Variants in TMEM114 observed in about 807,000 individuals in gnomAD.
TMEM114 encodes the protein transmembrane protein 114, also known as claudin-26.
TMEM114 carries 6 observed loss-of-function variants against 6.2 expected under a neutral mutation model. The observed-to-expected ratio is 0.97, with a 90% CI of 0.53 to 1.91. The LOEUF (loss-of-function observed/expected upper bound fraction) is 1.91. Ranked by LOEUF, TMEM114 falls within the 40% of genes most tolerant of loss-of-function variation. The pLI, the probability that TMEM114 is intolerant of heterozygous loss-of-function variation, is 0.01. For missense variants in TMEM114, 218 were observed against 158.3 expected (o/e 1.38, Z -2.02); for synonymous variants, 104 against 73.0 (o/e 1.42, Z -2.16).
downstream of TMEM114, among the ~76,000 whole-genome samples, chr16:8,566,426 G>C (rs1016921171): frequency 6.7e-6 from 1 of 150,322 alleles, no homozygotes; most frequent in African/African-American, 2.4e-5. Flanking sequence ...TAGAATGATG[G>C]ATCAGAATAG....
At chr16:8,541,876 T>A (rs1329347298) in intron 2 of TMEM114, among the ~76,000 whole-genome samples, 1 of 151,998 alleles carries the variant, frequency 6.6e-6, no homozygotes, top group African/African-American at 2.4e-5. Flanking sequence ...ATCAAAGGGG[T>A]CTGGCTTACA....
At chr16:8,561,921 T>G (rs896176132) in intron 2 of TMEM114, among the ~76,000 whole-genome samples, 1 of 115,436 alleles carries the variant, frequency 8.7e-6, no homozygotes, top group Admixed American at 8.6e-5. Context: ...AATGAGTAAG[T>G]GAATGAGTGA....
intron 2 of TMEM114, among the ~76,000 whole-genome samples, chr16:8,586,864 T>A (rs950839266): frequency 1.3e-5 from 2 of 152,192 alleles, no homozygotes; most frequent in African/African-American, 4.8e-5. Flanking sequence ...TTTCCCCTTG[T>A]GCAGTTTGGG....
chr16:8,576,277 A>T (rs1901925900), intron 2 of TMEM114, among the ~76,000 whole-genome samples: 1 of 152,156 alleles, frequency 6.6e-6, no homozygotes, highest in Admixed American at 6.5e-5. Context: ...CCACTTCCTG[A>T]TATTACCCAG....
At chr16:8,550,676 CA>C in intron 2 of TMEM114, among the ~76,000 whole-genome samples, 1 of 114,438 alleles carries the variant, frequency 8.7e-6, no homozygotes, top group African/African-American at 3.1e-5. Flanking sequence ...AAAACTTCGT[CA>C]AAAAAAACAA....
chr16:8,569,822 G>T lies in TMEM114; in HGVS notation c.623C>A (p.Ala208Glu). The T allele has an allele frequency of 6.4e-7, 1 of 1,550,986 alleles. No individual in the cohort carries two copies. Among genetic ancestry groups the T allele is most frequent in the Non-Finnish European group, 8.7e-7 (1 of 1,146,952 alleles). The change falls in exon 4 of 4, where the codon GCA becomes GAA. Residue 208 changes from alanine to glutamate, a missense_variant. Physicochemically the swap from Ala to Glu is moderately radical, Grantham distance 107. Transcript: ENST00000620492. ...TCTCAGGCTGAGCTCGCGGGCTGCT[G>T]CCAGGAAGGCTGCCCCGGTGAGCAG... ...AELLTGAAFL[A>E]AARELSLRRR...
chr16:8,584,577 G>A (rs1308019092), intron 2 of TMEM114, among the ~76,000 whole-genome samples: 1 of 152,130 alleles, frequency 6.6e-6, no homozygotes, highest in African/African-American at 2.4e-5. Context: ...ACTCTCCCAA[G>A]GTAGCTAAGC....
At chr16:8,565,645 C>A (rs967318503), downstream of TMEM114, among the ~76,000 whole-genome samples, 1 of 152,194 alleles carries the variant, frequency 6.6e-6, no homozygotes, top group Non-Finnish European at 1.5e-5. Context: ...CTCATCTGGC[C>A]CTGGGAGGCC....
intron 2 of TMEM114, among the ~76,000 whole-genome samples, chr16:8,579,454 T>TTATA (rs562171900): frequency 4.0e-5 from 6 of 150,462 alleles, no homozygotes; most frequent in South Asian, 2.1e-4. Flanking sequence ...TTTTAAAATT[T>TTATA]TATATATATA....
the TMEM114 span, among the ~76,000 whole-genome samples, chr16:8,529,335 T>C: frequency 6.6e-6 from 1 of 152,338 alleles, no homozygotes; most frequent in East Asian, 1.9e-4. Context: ...CTGAGACCGT[T>C]GGCCTAGAGT....
intron 2 of TMEM114, among the ~76,000 whole-genome samples, chr16:8,554,420 T>C (rs1037014697): frequency 6.6e-6 from 1 of 151,996 alleles, no homozygotes; most frequent in Non-Finnish European, 1.5e-5. Context: ...ATAATAATAA[T>C]AAAAATGAGG....
chr16:8,549,146 C>T (rs999474346), intron 2 of TMEM114, among the ~76,000 whole-genome samples: 4 of 135,234 alleles, frequency 3.0e-5, no homozygotes, highest in Admixed American at 2.6e-4. Flanking sequence ...CGTACCACTG[C>T]ACTGCAGCCT....
rs111938368 is a variant in TMEM114, at chr16:8,561,447, T to C, written n.213-23621A>G. Among the ~76,000 whole-genome samples the C allele has an allele frequency of 5.1e-3, 771 of 152,338 alleles. 5 individuals carry two copies. Among genetic ancestry groups the C allele is most frequent in the Admixed American group, 8.3e-3 (127 of 15,304 alleles). ...CCATGTTTACTGTCTGTCATACCCG[T>C]GCACTCATACACACACATGCACAGA... On this transcript the variant is annotated intron_variant and non_coding_transcript_variant, in intron 2 of 2. Coordinates refer to the TMEM114 transcript ENST00000623677.
downstream of TMEM114, among the ~76,000 whole-genome samples, chr16:8,534,106 A>C (rs1022884904): frequency 5.3e-5 from 8 of 152,220 alleles, no homozygotes; most frequent in African/African-American, 1.9e-4. Context: ...CAAGTCATTC[A>C]TCAGAAAATC....
chr16:8,527,619 C>G, the TMEM114 span, among the ~76,000 whole-genome samples: 3 of 152,124 alleles, frequency 2.0e-5, no homozygotes, highest in South Asian at 6.2e-4. Context: ...GTACTAAGCC[C>G]CTTTCTTGTT....
intron 2 of TMEM114, among the ~76,000 whole-genome samples, chr16:8,548,176 G>T (rs1191588715): frequency 1.3e-5 from 2 of 152,120 alleles, no homozygotes. Context: ...ATTAACGGTG[G>T]GACCCTGACT....
At chr16:8,551,509 C>A (rs1900843375) in intron 2 of TMEM114, among the ~76,000 whole-genome samples, 3 of 152,138 alleles carry the variant, frequency 2.0e-5, no homozygotes, top group Admixed American at 1.3e-4. Context: ...GAAAATTCCA[C>A]AAATAAACAG....
At chr16:8,560,799 T>G (rs1471854234) in intron 2 of TMEM114, among the ~76,000 whole-genome samples, 1 of 152,114 alleles carries the variant, frequency 6.6e-6, no homozygotes, top group African/African-American at 2.4e-5. Flanking sequence ...GGCACCAAAG[T>G]CAGCATTGGG....
At chr16:8,583,945 T>G (rs963757529) in intron 2 of TMEM114, among the ~76,000 whole-genome samples, 1 of 152,182 alleles carries the variant, frequency 6.6e-6, no homozygotes, top group Non-Finnish European at 1.5e-5. Context: ...AGTGGGCACA[T>G]GACTCAGCCC....
Sources: allele counts gnomAD v4.1 joint callset (sites outside exome capture counted in the v4.1 genomes callset), GRCh38; gene constraint gnomAD v4.1.1; transcripts MANE v1.5; gene names NCBI Gene and HGNC (gene_info 2026-07-23, HGNC 2026-07-21).